Variants in ITIH1 observed in about 807,000 individuals in gnomAD.
The protein encoded by ITIH1 is inter-alpha-trypsin inhibitor heavy chain 1.
ITIH1 carries 94 observed loss-of-function variants against 104.6 expected under a neutral mutation model. The ratio of observed to expected loss-of-function variants is 0.90; its 90% CI spans 0.76 to 1.07. The LOEUF is 1.07. Ranked by LOEUF, ITIH1 falls within the 50% of genes least tolerant of loss-of-function variation. The pLI is 0.00. For synonymous variants in ITIH1, 455 were observed against 464.4 expected, an observed-to-expected ratio of 0.98 and a Z score of 0.26; for missense variants, 1,193 against 1,181.4, an observed-to-expected ratio of 1.01 and a Z score of -0.14.
In ITIH1 at chr3:52,783,106, G is replaced by A; in HGVS notation, c.1080G>A (p.Arg360=). 6.2e-7 allele frequency: 1 copy of A among 1,614,076 alleles called. No individual in the cohort carries two copies. The highest frequency in any genetic ancestry group is 1.3e-5 in the African/African-American group (1 of 75,000). Residue 360 remains arginine, a synonymous_variant, in exon 9 of 22, where the codon CGG becomes CGA. Coordinates refer to ENST00000273283, the MANE Select transcript of ITIH1 (RefSeq NM_002215.4). ...TACAAGCAGCTCAAGACTTTGTGCG[G>A]GGCTTTTCCCTGGATGAGGGTAAGG... The part of the protein sequence containing the change: ...ANLQAAQDFV[R]GFSLDEATNL...
chr3:52,787,842 C>A, intron 16 of ITIH1, 144 bp from the exon 17 acceptor site: 1 of 953,672 alleles, frequency 1.0e-6, no homozygotes, highest in South Asian at 1.3e-5. Context: ...GGGAGCCAAT[C>A]AAGGGCATGT....
chr3:52,781,880 G>A, intron 6 of ITIH1, 60 bp from the exon 7 acceptor site: 1 of 1,593,700 alleles, frequency 6.3e-7, no homozygotes, highest in Non-Finnish European at 8.6e-7. Context: ...TGTTGTCTTT[G>A]CAAACATCTT....
At chr3:52,787,734 T>C (rs1578740073) in intron 16 of ITIH1, 122 bp downstream of exon 16, 3 of 1,224,874 alleles carry the variant, frequency 2.4e-6, no homozygotes, top group African/African-American at 1.5e-5. Context: ...AGAACAGACC[T>C]CTGAACAGCC....
chr3:52,779,005 C>T lies in ITIH1; in HGVS notation c.369C>T (p.Tyr123=), dbSNP rs1218237928. The change falls in exon 4 of 22, where the codon TAC becomes TAT. Residue 123 remains tyrosine (Y), a synonymous_variant. Transcript: ENST00000273283. The surrounding 1 kb of genome is among the most constrained non-coding windows in gnomAD (Gnocchi z 4.4). ...IKDKVTAWKQ[Y]RKAAISGENA... ...ACAAGGTGACTGCATGGAAGCAGTA[C>T]CGGAAAGCAGCTATCTCAGGAGAGA... is the stretch of plus-strand genomic sequence containing the variant. 5 of 1,613,992 alleles carry T rather than the reference C, an allele frequency of 3.1e-6. No individual in the cohort carries two copies. In the East Asian group the frequency reaches 1.1e-4, roughly 36 times the overall value.
rs771800471 is a variant in ITIH1, at chr3:52,787,978, C to A, written c.1925-8C>A. The A allele has an allele frequency of 2.0e-5, 31 of 1,529,582 alleles. No homozygotes were observed. The highest frequency in any genetic ancestry group is 7.8e-5 in the South Asian group (7 of 89,284). The allele number at this position is 1,529,582 out of a possible 1,614,324, so 94.8% of individuals were successfully genotyped here. ...CCCGCTTCTAAATGCCACTCCCCCT[C>A]CCATCAGCGTTCGTGCTGTCAGCCT... On this transcript the variant is annotated splice_region_variant and splice_polypyrimidine_tract_variant and intron_variant, in intron 16 of 21. Transcript: ENST00000273283.
chr3:52,787,404 C>A (rs533515739), intron 15 of ITIH1, among the ~76,000 whole-genome samples, 188 bp from the exon 16 acceptor site: 1 of 152,252 alleles, frequency 6.6e-6, no homozygotes, highest in South Asian at 2.1e-4. Flanking sequence ...CAGGCTGAAC[C>A]CCCAGCAGCC....
intron 6 of ITIH1, among the ~76,000 whole-genome samples, chr3:52,781,198 TTTTTTTTTTTTTCTTCTTCTTC>T (rs1409416679): frequency 4.6e-5 from 2 of 43,842 alleles, no homozygotes; most frequent in African/African-American, 2.6e-4. Context: ...CCTCCTCTTC[TTTTTTTTTTTTTCTTCTTCTTC>T]TTCTTCTTCT....
chr3:52,785,465 C>T (rs73839188), intron 12 of ITIH1, among the ~76,000 whole-genome samples: 1,555 of 152,302 alleles, frequency 0.01, 30 homozygotes, highest in African/African-American at 0.036. Context: ...TCCCTCGGCC[C>T]CCAGTGACCA....
Position 52,779,386 on chromosome 3 carries a change from C to A in ITIH1, c.411-46C>A, listed in dbSNP as rs779374111. ...TGTTAGGTGACAAGGACCCAAATGT[C>A]ATTTACCCTCTGTCTGTCTGCTGTT... On this transcript the variant is annotated intron_variant, in intron 4 of 21. Transcript: ENST00000273283. This position sits in a 1 kb window ranked among gnomAD's most constrained non-coding sequence, Gnocchi z 4.4. 9 of 1,603,622 alleles carry A rather than the reference C, an allele frequency of 5.6e-6. No homozygotes were observed. The Admixed American group carries it at 1.5e-4, about 27-fold the overall frequency.
chr3:52,782,962 G>A lies in ITIH1; in HGVS notation c.936G>A (p.Lys312=). 2 of 1,613,834 alleles carry A rather than the reference G, an allele frequency of 1.2e-6. No homozygotes were observed. Among genetic ancestry groups the A allele is most frequent in the Non-Finnish European group, 8.5e-7 (1 of 1,179,890 alleles). The part of the protein sequence containing the change: ...SMRGQKVKQT[K]EALLKILGDM... ...TGACTGTTCTGTCCTTGCAGACCAA[G>A]GAGGCACTCCTTAAAATTCTGGGGG... is the stretch of plus-strand genomic sequence containing the variant. The change falls in exon 9 of 22, where the codon AAG becomes AAA. Residue 312 remains lysine (K), a synonymous_variant. Transcript: ENST00000273283.
At position 52,779,894 on chromosome 3, in the gene ITIH1, G is replaced by A; in HGVS notation, c.573+300G>A. 7.2e-7 allele frequency: 1 copy of A among 1,385,202 alleles called. No homozygotes were observed. Among genetic ancestry groups the A allele is most frequent in the Middle Eastern group, 2.7e-4 (1 of 3,654 alleles). The allele number at this position is 1,385,202 out of a possible 1,614,324, so 85.8% of individuals were successfully genotyped here. A position where few individuals can be genotyped will look rare whatever the true frequency, so the allele number is the denominator to read the frequency against. On this transcript the variant is annotated intron_variant, in intron 5 of 21. Transcript: ENST00000273283. This position sits in a 1 kb window ranked among gnomAD's most constrained non-coding sequence, Gnocchi z 4.4. ...AATGTCCAGGTAATTTTGTAAACTAGAAAGTCCCGCGCAGCCTGAGGGCCT... is the reference window on the plus strand; with the variant it reads ...AATGTCCAGGTAATTTTGTAAACTAAAAAGTCCCGCGCAGCCTGAGGGCCT...
rs570068535 is a variant in ITIH1, at chr3:52,791,965, C to T, written c.*54C>T. The T allele has an allele frequency of 1.9e-4, 301 of 1,563,288 alleles. 1 individual carries two copies. The highest frequency in any genetic ancestry group is 2.6e-4 in the Admixed American group (14 of 54,724). Reference sequence around the variant, plus strand: ...CCGGGGCCAAGGCAGAGGAGGAGGACGACATCCTGACCTGCTGCTGAGGCT... The same window carrying T: ...CCGGGGCCAAGGCAGAGGAGGAGGATGACATCCTGACCTGCTGCTGAGGCT... On this transcript the variant is annotated 3_prime_UTR_variant, in exon 22 of 22. Transcript: ENST00000273283.
intron 16 of ITIH1, 149 bp from the exon 17 acceptor site, chr3:52,787,837 C>T: frequency 1.1e-6 from 1 of 935,060 alleles, no homozygotes; most frequent in Non-Finnish European, 1.8e-6. Context: ...GTCCCGGGAG[C>T]CAATCAAGGG....
At position 52,783,050 on chromosome 3, in the gene ITIH1, G is replaced by A. The variant is rs1440048149; in HGVS notation, c.1024G>A (p.Gly342Ser). Residue 342 changes from glycine (G) to serine (S), a missense_variant, in exon 9 of 22, where the codon GGC becomes AGC. Coordinates refer to ENST00000273283, the MANE Select transcript of ITIH1 (RefSeq NM_002215.4). ...TGGGACTCGAGTACAATCGTGGAAG[G>A]GCTCGCTGGTGCAAGCATCTGAGGC... ...LFGTRVQSWKGSLVQASEANL... is the reference protein window; with the variant it reads ...LFGTRVQSWKSSLVQASEANL... 5 of 1,613,860 alleles carry A rather than the reference G, an allele frequency of 3.1e-6. No individual in the cohort carries two copies. Among genetic ancestry groups the A allele is most frequent in the African/African-American group, 1.3e-5 (1 of 74,836 alleles).
chr3:52,782,802 C>T (rs878996151), intron 8 of ITIH1, among the ~76,000 whole-genome samples, 155 bp from the exon 9 acceptor site: 4 of 151,968 alleles, frequency 2.6e-5, no homozygotes, highest in Non-Finnish European at 5.9e-5. Context: ...CCCCAAGGCC[C>T]GGCAGGATGC....
At chr3:52,782,505 G>A (rs1035863482) in intron 8 of ITIH1, among the ~76,000 whole-genome samples, 1 of 152,196 alleles carries the variant, frequency 6.6e-6, no homozygotes, top group Non-Finnish European at 1.5e-5. Context: ...AATGACAATG[G>A]TGTCTGCAGG....
intron 6 of ITIH1, 86 bp downstream of exon 6, chr3:52,780,468 C>T (rs1429831111): frequency 3.3e-6 from 3 of 902,004 alleles, no homozygotes; most frequent in South Asian, 3.2e-5. Context: ...AGCCTTAGCC[C>T]AGAAACCAGG....
intron 5 of ITIH1, 194 bp from the exon 6 acceptor site, chr3:52,780,075 G>T: frequency 9.7e-7 from 1 of 1,031,920 alleles, no homozygotes. Context: ...GACACATGCT[G>T]GCTCTTGGCT....
Position 52,789,798 on chromosome 3 carries a change from C to T in ITIH1, c.2265C>T (p.Pro755=), listed in dbSNP as rs368132394. The T allele has an allele frequency of 3.1e-5, 50 of 1,614,134 alleles. No homozygotes were observed. Among genetic ancestry groups the T allele is most frequent in the Non-Finnish European group, 4.0e-5 (47 of 1,180,050 alleles). Residue 755 remains proline, a synonymous_variant, in exon 19 of 22, where the codon CCC becomes CCT. Coordinates refer to ENST00000273283, the MANE Select transcript of ITIH1 (RefSeq NM_002215.4). ...EVTPQNITLN[P]GFGGPVFSWR... is the part of the protein sequence containing the mutation. The stretch of plus-strand genomic sequence containing the variant: ...CTCCTCAGAACATTACGCTGAACCC[C>T]GGCTTTGGTGGGCCTGTGTTTTCCT...
Sources: allele counts gnomAD v4.1 joint callset (sites outside exome capture counted in the v4.1 genomes callset), GRCh38; gene constraint gnomAD v4.1.1; non-coding constraint Gnocchi (gnomAD v3.1); transcripts MANE v1.5; gene names NCBI Gene and HGNC (gene_info 2026-07-23, HGNC 2026-07-21).